TMEM117: variants seen among roughly 807,000 people sequenced by gnomAD.
The protein encoded by TMEM117 is transmembrane protein 117.
In TMEM117, 27 loss-of-function variants were observed where a neutral mutation model predicts 52.4. That is an observed-to-expected ratio of 0.51 (90% CI 0.38 to 0.71). TMEM117 has a LOEUF of 0.71. TMEM117 is among the 30% of genes least tolerant of loss of function. TMEM117 has a pLI of 0.00. For synonymous variants in TMEM117, 215 were observed against 206.3 expected (o/e 1.04, Z -0.36); for missense variants, 556 against 630.5 (o/e 0.88, Z 1.26).
chr12:43,970,449 T>C (rs1188452207), intron 3 of TMEM117, among the ~76,000 whole-genome samples: 3 of 151,974 alleles, frequency 2.0e-5, no homozygotes, highest in East Asian at 3.9e-4. Flanking sequence ...CCACCACACC[T>C]GGCTAATACT....
At chr12:43,802,361 T>C in the TMEM117 span, 1 of 1,602,916 alleles carries the variant, frequency 6.2e-7, no homozygotes, top group South Asian at 1.1e-5. Flanking sequence ...ACCTGAATAA[T>C]ATATAGCATG....
At chr12:43,971,334 G>A (rs562324674) in intron 3 of TMEM117, among the ~76,000 whole-genome samples, 2 of 152,166 alleles carry the variant, frequency 1.3e-5, no homozygotes, top group African/African-American at 2.4e-5. Context: ...ACTTATCATT[G>A]TCTTCAAAAT....
chr12:44,066,901 CTT>C (rs1947229236), intron 3 of TMEM117, among the ~76,000 whole-genome samples: 1 of 152,146 alleles, frequency 6.6e-6, no homozygotes, highest in African/African-American at 2.4e-5. Flanking sequence ...GTTTGGTAGT[CTT>C]ATACCCACAG....
intron 4 of TMEM117, among the ~76,000 whole-genome samples, chr12:44,154,601 A>C (rs1377479795): frequency 6.6e-6 from 1 of 151,982 alleles, no homozygotes; most frequent in Non-Finnish European, 1.5e-5. Context: ...TAATTATCCT[A>C]ATTTCTCTTT....
At chr12:44,032,583 A>G (rs1946649920) in intron 3 of TMEM117, among the ~76,000 whole-genome samples, 1 of 152,156 alleles carries the variant, frequency 6.6e-6, no homozygotes, top group Non-Finnish European at 1.5e-5. Context: ...TTTATTTGAG[A>G]TAATTTTACT....
intron 5 of TMEM117, among the ~76,000 whole-genome samples, chr12:44,216,121 C>T (rs928556276): frequency 4.0e-5 from 6 of 150,656 alleles, no homozygotes; most frequent in African/African-American, 1.5e-4. Context: ...GATTCTCCTG[C>T]CTCAGACTCC....
chr12:44,166,395 A>G (rs530105028), intron 4 of TMEM117, among the ~76,000 whole-genome samples: 149 of 152,350 alleles, frequency 9.8e-4, no homozygotes, highest in African/African-American at 3.5e-3. Context: ...ATCTATAACA[A>G]TGAATTTTGT....
chr12:43,980,590 G>T (rs925126128), intron 3 of TMEM117, among the ~76,000 whole-genome samples: 4 of 151,966 alleles, frequency 2.6e-5, no homozygotes, highest in Admixed American at 2.6e-4. Flanking sequence ...TGGAAATCCC[G>T]AGTGGGCACC....
At chr12:43,885,657 T>G (rs543267323) in intron 2 of TMEM117, among the ~76,000 whole-genome samples, 35 of 152,212 alleles carry the variant, frequency 2.3e-4, no homozygotes, top group Non-Finnish European at 4.9e-4. Context: ...ACTTTTTGGC[T>G]TTTTGGCTAA....
intron 3 of TMEM117, among the ~76,000 whole-genome samples, chr12:44,055,463 T>G (rs1641710788): frequency 6.6e-6 from 1 of 152,186 alleles, no homozygotes; most frequent in African/African-American, 2.4e-5. Flanking sequence ...CACTGTAGCA[T>G]ATTAAACATA....
At chr12:43,964,873 T>C (rs758093564) in intron 3 of TMEM117, among the ~76,000 whole-genome samples, 2 of 152,224 alleles carry the variant, frequency 1.3e-5, no homozygotes, top group African/African-American at 4.8e-5. Context: ...ATAAATTAGT[T>C]AAGTTATTGA....
intron 3 of TMEM117, among the ~76,000 whole-genome samples, chr12:43,958,907 C>A (rs566380376): frequency 1.3e-5 from 2 of 151,982 alleles, no homozygotes; most frequent in Non-Finnish European, 2.9e-5. Flanking sequence ...CCCGGGTTCA[C>A]GCCATTCTCC....
chr12:44,014,049 CTG>C (rs1946336329), intron 3 of TMEM117, among the ~76,000 whole-genome samples: 1 of 152,126 alleles, frequency 6.6e-6, no homozygotes, highest in African/African-American at 2.4e-5. Context: ...TCAGATACAA[CTG>C]TGGACTAGAG....
chr12:44,045,996 C>T (rs1053577433), intron 3 of TMEM117, among the ~76,000 whole-genome samples: 10 of 152,084 alleles, frequency 6.6e-5, no homozygotes, highest in South Asian at 2.1e-4. Context: ...AACTAGGTGA[C>T]GATAATTTGC....
rs545967737 is a variant in TMEM117, at chr12:44,295,527, C to T, written c.609-4053C>T. Among the ~76,000 whole-genome samples, 29 of 152,156 alleles carry T rather than the reference C, an allele frequency of 1.9e-4. No homozygotes were observed. The East Asian group carries it at 3.1e-3, about 16-fold the overall frequency. On this transcript the variant is annotated intron_variant, in intron 5 of 7. Coordinates refer to ENST00000266534, the MANE Select transcript of TMEM117 (RefSeq NM_032256.3). ...CTTGGCCTAGTATGCTGTCTTTACTCTTTTTTAATTGTCATTCCTCTAACT... is the reference window on the plus strand; with the variant it reads ...CTTGGCCTAGTATGCTGTCTTTACTTTTTTTTAATTGTCATTCCTCTAACT...
chr12:44,185,300 G>A (rs975749881), intron 4 of TMEM117, among the ~76,000 whole-genome samples: 2 of 152,102 alleles, frequency 1.3e-5, no homozygotes, highest in African/African-American at 4.8e-5. Context: ...CTAAGCTGAG[G>A]TCATAAGCTG....
At chr12:43,909,028 A>T (rs1944443901) in intron 2 of TMEM117, among the ~76,000 whole-genome samples, 1 of 95,954 alleles carries the variant, frequency 1.0e-5, no homozygotes, top group African/African-American at 2.9e-5. Context: ...CTCCACCCCA[A>T]ATCAACAGAA....
At chr12:43,904,757 C>CT (rs1944357362) in intron 2 of TMEM117, among the ~76,000 whole-genome samples, 1 of 152,142 alleles carries the variant, frequency 6.6e-6, no homozygotes, top group Non-Finnish European at 1.5e-5. Flanking sequence ...CGCAAGAAAA[C>CT]TTTTTTACAT....
At chr12:43,858,880 A>G (rs1158951044) in intron 2 of TMEM117, among the ~76,000 whole-genome samples, 1 of 152,232 alleles carries the variant, frequency 6.6e-6, no homozygotes, top group Non-Finnish European at 1.5e-5. Context: ...GGAAAGCACC[A>G]GGTGCCATGA....
Sources: allele counts gnomAD v4.1 joint callset (sites outside exome capture counted in the v4.1 genomes callset), GRCh38; gene constraint gnomAD v4.1.1; transcripts MANE v1.5; gene names NCBI Gene and HGNC (gene_info 2026-07-23, HGNC 2026-07-21).